The following TMEM278 variants were observed in gnomAD, a reference collection of about 807,000 sequenced individuals.
TMEM278 encodes the protein transmembrane protein 278.
chr1:1,429,189 A>T, the TMEM278 span, among the ~76,000 whole-genome samples: 4 of 151,726 alleles, frequency 2.6e-5, no homozygotes, highest in South Asian at 8.3e-4. Context: ...CAAAAAAACA[A>T]CAAAAAAAAT....
the TMEM278 span, chr1:1,426,273 G>A: frequency 2.0e-6 from 3 of 1,492,002 alleles, no homozygotes; most frequent in Admixed American, 2.2e-5. Flanking sequence ...CTGCTGCCCG[G>A]CCGGCTGCTG....
the TMEM278 span, among the ~76,000 whole-genome samples, chr1:1,428,352 G>A: frequency 6.6e-6 from 1 of 152,026 alleles, no homozygotes; most frequent in Non-Finnish European, 1.5e-5. Flanking sequence ...CAAGCCCAGG[G>A]TTCCAGAAGC....
the TMEM278 span, chr1:1,426,231 C>T: frequency 3.4e-6 from 5 of 1,451,856 alleles, no homozygotes; most frequent in South Asian, 5.6e-5. Context: ...CAGGCCTCAG[C>T]CCTGACGTGC....
chr1:1,426,925 C>T, the TMEM278 span, among the ~76,000 whole-genome samples: 1 of 151,836 alleles, frequency 6.6e-6, no homozygotes, highest in East Asian at 1.9e-4. Flanking sequence ...TCTGAGCCTC[C>T]CCTCAAGGGA....
At chr1:1,427,707 C>T in the TMEM278 span, 1 of 1,324,536 alleles carries the variant, frequency 7.5e-7, no homozygotes, top group Non-Finnish European at 9.6e-7. Context: ...CCCGCTGCTG[C>T]CTCCGCCCGC....
chr1:1,426,192 C>T, the TMEM278 span: 4 of 1,416,540 alleles, frequency 2.8e-6, no homozygotes, highest in Non-Finnish European at 3.7e-6. Context: ...GACACAGCGC[C>T]CATGCTGCCC....
At chr1:1,427,106 C>G in the TMEM278 span, among the ~76,000 whole-genome samples, 1 of 147,324 alleles carries the variant, frequency 6.8e-6, no homozygotes, top group South Asian at 2.2e-4. Flanking sequence ...CTGCTCAGCC[C>G]GCCACGGCCC....
chr1:1,425,897 G>A, the TMEM278 span, among the ~76,000 whole-genome samples: 1 of 152,312 alleles, frequency 6.6e-6, no homozygotes, highest in South Asian at 2.1e-4. Flanking sequence ...GCTGGGGCTG[G>A]AGACTGGCGC....
At chr1:1,427,720 G>A in the TMEM278 span, 2 of 1,298,792 alleles carry the variant, frequency 1.5e-6, no homozygotes, top group Non-Finnish European at 9.7e-7. Flanking sequence ...CCGCCCGCTG[G>A]GACCCCCGGA....
the TMEM278 span, among the ~76,000 whole-genome samples, chr1:1,429,794 G>GT: frequency 1.3e-5 from 2 of 152,174 alleles, no homozygotes; most frequent in Non-Finnish European, 2.9e-5. Context: ...CTCTGTCCCT[G>GT]TGTGTGTCCA....
chr1:1,428,381 G>A, the TMEM278 span, among the ~76,000 whole-genome samples: 3 of 152,012 alleles, frequency 2.0e-5, no homozygotes, highest in Non-Finnish European at 4.4e-5. Flanking sequence ...GGCGGCAGCC[G>A]GGCTCAGCCT....
the TMEM278 span, among the ~76,000 whole-genome samples, chr1:1,429,552 T>G: frequency 6.6e-6 from 1 of 152,206 alleles, no homozygotes; most frequent in Non-Finnish European, 1.5e-5. Context: ...CTGTGACTGG[T>G]GTTTCTGCCG....
chr1:1,427,694 C>G, the TMEM278 span: 6 of 1,328,006 alleles, frequency 4.5e-6, no homozygotes, highest in African/African-American at 1.6e-5. Context: ...CCCGGCGCCT[C>G]CGCCCGCTGC....
At chr1:1,426,276 GGCTGCTGGCCGGGCTCCT>G in the TMEM278 span, 1 of 1,491,970 alleles carries the variant, frequency 6.7e-7, no homozygotes, top group Non-Finnish European at 9.0e-7. Flanking sequence ...CTGCCCGGCC[GGCTGCTGGCCGGGCTCCT>G]GCTGCACCTC....
At chr1:1,426,378 ACT>A in the TMEM278 span, 2 of 1,411,964 alleles carry the variant, frequency 1.4e-6, no homozygotes, top group African/African-American at 3.0e-5. Context: ...TTCCTGTGCC[ACT>A]CGAGGGTGAG....
chr1:1,429,084 G>A, the TMEM278 span, among the ~76,000 whole-genome samples: 26 of 151,722 alleles, frequency 1.7e-4, no homozygotes, highest in South Asian at 2.1e-4. Context: ...CAGGAGGATC[G>A]CTTGAACCCA....
At chr1:1,427,601 C>G in the TMEM278 span, 1 of 1,294,050 alleles carries the variant, frequency 7.7e-7, no homozygotes, top group South Asian at 2.1e-5. Context: ...TCTCAGACCG[C>G]GGCTCCGCGG....
chr1:1,425,986 C>G, the TMEM278 span: 1 of 1,247,084 alleles, frequency 8.0e-7, no homozygotes, highest in Admixed American at 4.2e-5. Flanking sequence ...GGCAGGACCT[C>G]CCTAGCCAGG....
chr1:1,426,695 G>A, the TMEM278 span, among the ~76,000 whole-genome samples: 89 of 152,068 alleles, frequency 5.9e-4, no homozygotes, highest in Non-Finnish European at 1.0e-3. Flanking sequence ...AGATGAAAAT[G>A]TCGTTGAAGT....
Sources: allele counts gnomAD v4.1 joint callset (sites outside exome capture counted in the v4.1 genomes callset), GRCh38; gene constraint gnomAD v4.1.1; transcripts MANE v1.5; gene names NCBI Gene and HGNC (gene_info 2026-07-23, HGNC 2026-07-21).